IRAG2: variants seen among roughly 807,000 people sequenced by gnomAD.
IRAG2 encodes the protein lymphoid restricted membrane protein.
In IRAG2, 45 loss-of-function variants were observed where a neutral mutation model predicts 69.9. The observed-to-expected ratio is 0.64, with a 90% CI of 0.51 to 0.83. IRAG2 has a LOEUF of 0.83. Among genes scored for constraint, IRAG2 ranks in the 40% least tolerant of loss-of-function variants. The pLI, the probability that IRAG2 is intolerant of heterozygous loss-of-function variation, is 0.00. For synonymous variants in IRAG2, 193 were observed against 202.4 expected, an observed-to-expected ratio of 0.95 and a Z score of 0.40; for missense variants, 520 against 587.0, an observed-to-expected ratio of 0.89 and a Z score of 1.18.
upstream of IRAG2, among the ~76,000 whole-genome samples, chr12:25,002,168 C>T (rs1161967946): frequency 6.6e-6 from 1 of 152,114 alleles, no homozygotes; most frequent in Non-Finnish European, 1.5e-5. Context: ...AAGGGTGAAG[C>T]CTCTTCTGTC....
upstream of IRAG2, chr12:25,052,446 C>CA (rs1233542394): frequency 0.04 from 11,331 of 280,296 alleles, 9 homozygotes; most frequent in Non-Finnish European, 0.047. Context: ...CAACAACAAA[C>CA]AAAAAAAAAA....
intron 5 of IRAG2, chr12:25,016,990 T>C: frequency 2.1e-6 from 1 of 472,426 alleles, no homozygotes; most frequent in South Asian, 1.2e-4. Context: ...ACATTAATTA[T>C]GTTTATGATG....
chr12:25,068,204 C>G (rs1946111939), intron 5 of IRAG2, among the ~76,000 whole-genome samples: 1 of 152,160 alleles, frequency 6.6e-6, no homozygotes, highest in African/African-American at 2.4e-5. Flanking sequence ...CTCCTGGACT[C>G]AAGTGATCCT....
At chr12:25,092,400 CAA>C (rs776677425) in intron 14 of IRAG2, among the ~76,000 whole-genome samples, 28 of 117,350 alleles carry the variant, frequency 2.4e-4, no homozygotes, top group Non-Finnish European at 2.0e-4. Flanking sequence ...AACTCCATCT[CAA>C]AAAAAAAAAA....
chr12:25,020,803 A>T, exon 7 of IRAG2: 2 of 1,230,322 alleles, frequency 1.6e-6, no homozygotes, highest in Non-Finnish European at 2.0e-6. Context: ...CCACCAGGCT[A>T]TTATGAGAAC....
intron 5 of IRAG2, among the ~76,000 whole-genome samples, chr12:25,068,194 C>A (rs1317923521): frequency 6.6e-6 from 1 of 152,152 alleles, no homozygotes; most frequent in Admixed American, 6.5e-5. Flanking sequence ...TGGTCTTGAA[C>A]TCCTGGACTC....
chr12:25,083,464 A>C lies in IRAG2; in HGVS notation c.286A>C (p.Thr96Pro). The change falls in exon 10 of 22, where the codon ACG becomes CCG. Residue 96 changes from threonine to proline, a missense_variant. Coordinates refer to ENST00000556887, the MANE Select transcript of IRAG2 (RefSeq NM_001366544.2). ...TGATAATATTGCATTCCAAGACTCT[A>C]CGAGTAAGGATAAAACCATATTAAA... Reference protein sequence around the residue: ...AHDNIAFQDSTSKDKTILNLE... With the variant: ...AHDNIAFQDSPSKDKTILNLE... 6.2e-7 allele frequency: 1 copy of C among 1,611,272 alleles called. No homozygotes were observed. The highest frequency in any genetic ancestry group is 8.5e-7 in the Non-Finnish European group (1 of 1,177,454).
At chr12:25,105,338 AG>A (rs1371055259) in intron 20 of IRAG2, among the ~76,000 whole-genome samples, 1 of 152,014 alleles carries the variant, frequency 6.6e-6, no homozygotes, top group East Asian at 1.9e-4. Flanking sequence ...GGCCTCCCAA[AG>A]TGCTGGGATT....
At chr12:25,005,370 T>C in intron 2 of IRAG2, 1 of 1,127,608 alleles carries the variant, frequency 8.9e-7, no homozygotes, top group Non-Finnish European at 1.1e-6. Context: ...CTAAAAATTA[T>C]CTGTTTAAAC....
At chr12:24,998,572 T>C in the IRAG2 span, among the ~76,000 whole-genome samples, 1 of 152,212 alleles carries the variant, frequency 6.6e-6, no homozygotes, top group Non-Finnish European at 1.5e-5. Context: ...TTCCTGGGAA[T>C]GTCTCAGTGA....
At chr12:25,104,523 C>A in intron 20 of IRAG2, 61 bp downstream of exon 20, 1 of 895,486 alleles carries the variant, frequency 1.1e-6, no homozygotes, top group Non-Finnish European at 1.9e-6. Flanking sequence ...CAATGGGAAT[C>A]ACTTTTATTC....
rs374086946 is a variant in IRAG2 at position 25,085,073 on chromosome 12, C to T, written c.315+1580C>T. 1.8e-4 allele frequency among the ~76,000 whole-genome samples: 27 copies of T among 152,356 alleles called. 1 individual carries two copies. Among genetic ancestry groups the T allele is most frequent in the African/African-American group, 5.8e-4 (24 of 41,588 alleles). On this transcript the variant is annotated intron_variant, in intron 10 of 21. Transcript: ENST00000556887. ...TCTAGGGGTCAGTGTCTGTGATTCC[C>T]AAAGTCCAAGTGAGTGTGTGTTACA...
chr12:25,068,750 A>G (rs934309226), intron 5 of IRAG2, among the ~76,000 whole-genome samples: 1 of 152,242 alleles, frequency 6.6e-6, no homozygotes, highest in African/African-American at 2.4e-5. Flanking sequence ...ACTCCGTATC[A>G]GGAACCAGGA....
upstream of IRAG2, chr12:25,052,699 C>T: frequency 2.5e-6 from 1 of 397,986 alleles, no homozygotes; most frequent in Non-Finnish European, 4.4e-6. Flanking sequence ...AAGAAAAACA[C>T]ATTTTCAGTT....
intron 16 of IRAG2, chr12:25,101,868 G>A (rs116707980): frequency 1.0e-3 from 554 of 531,154 alleles, no homozygotes; most frequent in African/African-American, 9.7e-3. Context: ...TCAAGAATCT[G>A]TTCCCTGTTC....
At chr12:25,055,245 A>G (rs1285169218) in intron 1 of IRAG2, among the ~76,000 whole-genome samples, 2 of 152,216 alleles carry the variant, frequency 1.3e-5, no homozygotes, top group African/African-American at 4.8e-5. Flanking sequence ...TGAATAAATG[A>G]TATTGTTCAA....
rs1949219725 is a variant in IRAG2 at position 25,107,120 on chromosome 12, T to G, written c.1256+70T>G. On this transcript the variant is annotated intron_variant, in intron 21 of 21. Transcript: ENST00000556887. ...AAAGGGTGAGGCAGGGCTGACAGTA[T>G]TAATCCTAATCAAATTACTAAAAGA... 4.1e-6 allele frequency: 3 copies of G among 732,340 alleles called. No homozygotes were observed. In the East Asian group the frequency reaches 9.0e-5, roughly 22 times the overall value. The allele number at this position is 732,340 out of a possible 1,614,324, so 45.4% of individuals were successfully genotyped here.
chr12:25,090,131 G>C lies in IRAG2; in HGVS notation c.540G>C (p.Glu180Asp), dbSNP rs1041670711. Residue 180 changes from glutamate (E) to aspartate (D), a missense_variant, in exon 14 of 22, where the codon GAG (glutamate) becomes GAC (aspartate). Transcript: ENST00000556887. ...FTLEKRVKLE[E>D]RSRDLAEENL... The stretch of plus-strand genomic sequence containing the variant: ...TGGAGAAGAGAGTGAAGCTTGAAGA[G>C]AGGTCCCGTGACTTGGCAGAAGAAA... The C allele has an allele frequency of 2.5e-6, 4 of 1,613,796 alleles. No individual in the cohort carries two copies. The highest frequency in any genetic ancestry group is 2.2e-5 in the South Asian group (2 of 91,076).
intron 2 of IRAG2, among the ~76,000 whole-genome samples, chr12:25,007,821 C>G (rs1029607039): frequency 1.3e-5 from 2 of 152,206 alleles, no homozygotes; most frequent in African/African-American, 4.8e-5. Flanking sequence ...TGCACCCAGC[C>G]CATTCTTTTA....
Sources: gnomAD v4.1 joint callset for allele counts (sites outside exome capture counted in the v4.1 genomes callset) on GRCh38, gnomAD v4.1.1 for gene constraint, MANE v1.5 for transcripts, NCBI Gene and HGNC (gene_info 2026-07-23, HGNC 2026-07-21) for gene names.